The following TSPAN12 variants were observed in gnomAD, a reference collection of about 807,000 sequenced individuals.
TSPAN12 encodes the protein tetraspanin-12.
TSPAN12 carries 19 observed loss-of-function variants against 39.2 expected under a neutral mutation model. The observed-to-expected ratio is 0.49, with a 90% CI of 0.34 to 0.71. The LOEUF is 0.71. Among genes scored for constraint, TSPAN12 ranks in the 30% least tolerant of loss-of-function variants. The probability of loss-of-function intolerance (pLI) is 0.01; values close to 1 mark genes in which losing one functional copy is unlikely to be tolerated. For missense variants in TSPAN12, 314 were observed against 359.9 expected (o/e 0.87, Z 1.03); for synonymous variants, 119 against 124.8 (o/e 0.95, Z 0.31).
intron 2 of TSPAN12, among the ~76,000 whole-genome samples, chr7:120,855,237 T>A (rs1453778796): frequency 6.6e-6 from 1 of 152,228 alleles, no homozygotes; most frequent in Non-Finnish European, 1.5e-5. Context: ...GCAAGAAAGC[T>A]GAATTCTGTT....
chr7:120,794,394 G>T (rs1195393032), intron 7 of TSPAN12, among the ~76,000 whole-genome samples: 2 of 152,108 alleles, frequency 1.3e-5, no homozygotes, highest in Non-Finnish European at 2.9e-5. Flanking sequence ...AGATCATGGG[G>T]GTAGTTTCCT....
chr7:120,838,887 A>C lies in TSPAN12; in HGVS notation c.175T>G (p.Tyr59Asp), dbSNP rs183489732. The part of the protein sequence containing the change: ...TRVEEAVILT[Y>D]FPVVHPVMIA... ...ATGACCGGATGAACCACAGGAAAGTAAGTCAAAATGACTGCTTCCTCTACC... is the reference window on the plus strand; with the variant it reads ...ATGACCGGATGAACCACAGGAAAGTCAGTCAAAATGACTGCTTCCTCTACC... Residue 59 changes from tyrosine (Y) to aspartate (D), a missense_variant, in exon 4 of 8, where the codon TAC becomes GAC. Coordinates refer to ENST00000222747, the MANE Select transcript of TSPAN12 (RefSeq NM_012338.4). The C allele has an allele frequency of 4.3e-6, 7 of 1,614,060 alleles. No homozygotes were observed. The highest frequency in any genetic ancestry group is 5.1e-6 in the Non-Finnish European group (6 of 1,179,956).
chr7:120,823,405 AAAC>A (rs758459853), intron 4 of TSPAN12, among the ~76,000 whole-genome samples: 11 of 152,160 alleles, frequency 7.2e-5, no homozygotes, highest in Non-Finnish European at 1.5e-4. Flanking sequence ...TAAATACACA[AAAC>A]AACAAAACAA....
intron 5 of TSPAN12, among the ~76,000 whole-genome samples, chr7:120,811,775 A>G (rs1793987309): frequency 6.6e-6 from 1 of 152,196 alleles, no homozygotes. Flanking sequence ...ATTGCAGACC[A>G]ATATTCTAAG....
intron 7 of TSPAN12, among the ~76,000 whole-genome samples, chr7:120,796,555 AC>A (rs758495679): frequency 7.9e-5 from 12 of 152,318 alleles, no homozygotes; most frequent in South Asian, 2.1e-4. Flanking sequence ...TGATGTGGGT[AC>A]TATTAATATC....
chr7:120,814,585 C>T (rs908511497), intron 5 of TSPAN12, among the ~76,000 whole-genome samples: 10 of 152,266 alleles, frequency 6.6e-5, no homozygotes, highest in East Asian at 1.9e-4. Flanking sequence ...CAAAAGTGTT[C>T]GACATCACAT....
rs148802163 is a variant in TSPAN12 at position 120,800,744 on chromosome 7, G to GTTTTTTTTT, written c.612+5796_612+5804dup. Among the ~76,000 whole-genome samples the GTTTTTTTTT allele has an allele frequency of 2.5e-5, 3 of 118,736 alleles. 1 individual carries two copies. Among genetic ancestry groups the GTTTTTTTTT allele is most frequent in the African/African-American group, 9.6e-5 (3 of 31,364 alleles). 77.9% of individuals were successfully genotyped at this position (118,736 alleles called of 152,430 possible). On this transcript the variant is annotated intron_variant, in intron 7 of 7. Transcript: ENST00000222747. ...CTGCTGAAATAAAGTTTTCCTTATCGTTTTTTTTTGTTTTTTTTTTTTGAG... is the reference window on the plus strand; with the variant it reads ...CTGCTGAAATAAAGTTTTCCTTATCGTTTTTTTTTTTTTTTTTTGTTTTTTTTTTTTGAG...
rs762569990 is a variant in TSPAN12 at position 120,836,034 on chromosome 7, T to C, written c.285+2743A>G. Among the ~76,000 whole-genome samples, 6 of 152,092 alleles carry C rather than the reference T, an allele frequency of 3.9e-5. No homozygotes were observed. In the South Asian group the frequency reaches 6.2e-4, roughly 16 times the overall value. ...TGTTGGTACATACTTCATTACCCAA[T>C]AGGGAGTCTCTGCACCTGTCTGAGC... On this transcript the variant is annotated intron_variant, in intron 4 of 7. Transcript: ENST00000222747.
chr7:120,847,749 G>T (rs1794699735), intron 2 of TSPAN12, among the ~76,000 whole-genome samples: 1 of 152,106 alleles, frequency 6.6e-6, no homozygotes, highest in African/African-American at 2.4e-5. Context: ...CTTTATAATA[G>T]AACTCTTCAG....
chr7:120,838,748 T>C (rs961246174), intron 4 of TSPAN12, 29 bp downstream of exon 4: 3 of 1,605,130 alleles, frequency 1.9e-6, no homozygotes, highest in Admixed American at 3.3e-5. Context: ...TCTTTTTAAC[T>C]ATAATAAAGA....
chr7:120,843,551 C>A (rs1794616953), intron 2 of TSPAN12, among the ~76,000 whole-genome samples: 1 of 152,234 alleles, frequency 6.6e-6, no homozygotes, highest in African/African-American at 2.4e-5. Flanking sequence ...CACTTACCTG[C>A]CTCACCTATA....
chr7:120,813,267 T>C (rs1037978653), intron 5 of TSPAN12, among the ~76,000 whole-genome samples: 4 of 152,228 alleles, frequency 2.6e-5, no homozygotes, highest in African/African-American at 9.6e-5. Context: ...TTTAAAGAAC[T>C]GCTTTTACAC....
chr7:120,820,631 C>G (rs1463872968), intron 4 of TSPAN12, among the ~76,000 whole-genome samples: 2 of 152,126 alleles, frequency 1.3e-5, no homozygotes, highest in Non-Finnish European at 2.9e-5. Flanking sequence ...ACTTGGCTGT[C>G]CTACTCATAA....
chr7:120,807,325 C>G (rs2116351152), intron 6 of TSPAN12, among the ~76,000 whole-genome samples: 1 of 152,176 alleles, frequency 6.6e-6, no homozygotes, highest in Admixed American at 6.5e-5. Flanking sequence ...GTGCCTTTAG[C>G]TTGAATAAAA....
At chr7:120,824,189 T>C (rs901136615) in intron 4 of TSPAN12, among the ~76,000 whole-genome samples, 1 of 151,774 alleles carries the variant, frequency 6.6e-6, no homozygotes, top group Non-Finnish European at 1.5e-5. Flanking sequence ...AACTATACAT[T>C]TGGGAGGCCA....
intron 2 of TSPAN12, among the ~76,000 whole-genome samples, chr7:120,850,798 T>C (rs1275437052): frequency 6.6e-6 from 1 of 151,944 alleles, no homozygotes; most frequent in East Asian, 1.9e-4. Context: ...CAAGCAGTTC[T>C]CCTGCCTCAG....
rs561515759 is a variant in TSPAN12 at position 120,822,931 on chromosome 7, G to T, written c.286-7128C>A. Reference sequence around the variant, plus strand: ...AGACTCAAATCAAACCAAATTAGCAGTGGACTTCTAAAGGACAGCAAACGA... The same window carrying T: ...AGACTCAAATCAAACCAAATTAGCATTGGACTTCTAAAGGACAGCAAACGA... On this transcript the variant is annotated intron_variant, in intron 4 of 7. Transcript: ENST00000222747. Among the ~76,000 whole-genome samples, 225 of 152,280 alleles carry T rather than the reference G, an allele frequency of 1.5e-3. 4 individuals carry two copies. The highest frequency in any genetic ancestry group is 0.013 in the Admixed American group (192 of 15,290).
chr7:120,836,964 C>T (rs1484623112), intron 4 of TSPAN12, among the ~76,000 whole-genome samples: 1 of 152,290 alleles, frequency 6.6e-6, no homozygotes, highest in Non-Finnish European at 1.5e-5. Context: ...CCTCCAGCAT[C>T]CCACTGCATA....
intron 4 of TSPAN12, among the ~76,000 whole-genome samples, chr7:120,838,019 G>A (rs1453409916): frequency 6.6e-6 from 1 of 152,144 alleles, no homozygotes; most frequent in Non-Finnish European, 1.5e-5. Context: ...AGCCAGGGCT[G>A]AGACCTACTA....
Sources: gnomAD v4.1 joint callset for allele counts (sites outside exome capture counted in the v4.1 genomes callset) on GRCh38, gnomAD v4.1.1 for gene constraint, MANE v1.5 for transcripts, NCBI Gene and HGNC (gene_info 2026-07-23, HGNC 2026-07-21) for gene names.